HDAC4: variants seen among roughly 807,000 people sequenced by gnomAD.
The protein encoded by HDAC4 is histone deacetylase A.
Under a neutral mutation model 135.1 loss-of-function variants are expected in HDAC4, and 16 were observed. That is an observed-to-expected ratio of 0.12 (90% CI 0.08 to 0.18). The LOEUF (loss-of-function observed/expected upper bound fraction) is 0.18. HDAC4 is among the 10% of genes least tolerant of loss of function. The probability of loss-of-function intolerance (pLI) is 1.00; values close to 1 mark genes in which losing one functional copy is unlikely to be tolerated. For missense variants in HDAC4, 1,143 were observed against 1,511.8 expected (o/e 0.76, Z 4.05); for synonymous variants, 685 against 653.4 (o/e 1.05, Z -0.74).
chr2:239,255,885 A>G (rs2049026388), intron 2 of HDAC4, among the ~76,000 whole-genome samples: 1 of 152,202 alleles, frequency 6.6e-6, no homozygotes, highest in Non-Finnish European at 1.5e-5. Flanking sequence ...AAACAGCTAC[A>G]CACTTGGGCA....
chr2:239,242,077 AGAAG>A lies in HDAC4; in HGVS notation c.23-5417_23-5414del, dbSNP rs143185918. Among the ~76,000 whole-genome samples, 782 of 149,356 alleles carry A rather than the reference AGAAG, an allele frequency of 5.2e-3. 2 individuals carry two copies. The highest frequency in any genetic ancestry group is 0.01 in the Middle Eastern group (3 of 294). ...AAAGAAAAGAGAAAAAGAAAGAAAGAGAAGGAAGGAAGGAAGGAAGGAAGGAGAA... is the reference window on the plus strand; with the variant it reads ...AAAGAAAAGAGAAAAAGAAAGAAAGAGAAGGAAGGAAGGAAGGAAGGAGAA... On this transcript the variant is annotated intron_variant, in intron 2 of 26. Coordinates refer to ENST00000543185, the MANE Select transcript of HDAC4 (RefSeq NM_001378414.1).
At chr2:239,162,022 A>G in intron 6 of HDAC4, 3 of 428,856 alleles carry the variant, frequency 7.0e-6, no homozygotes, top group South Asian at 5.0e-5. Flanking sequence ...TCCACTGTCC[A>G]CTGACTCCTG....
chr2:239,250,308 C>T (rs1428750924), intron 2 of HDAC4, among the ~76,000 whole-genome samples: 1 of 152,266 alleles, frequency 6.6e-6, no homozygotes, highest in African/African-American at 2.4e-5. Flanking sequence ...GATAACATCA[C>T]TGTGTCTTCA....
intron 2 of HDAC4, among the ~76,000 whole-genome samples, chr2:239,339,539 T>A (rs1401753878): frequency 3.9e-5 from 6 of 152,186 alleles, no homozygotes; most frequent in Non-Finnish European, 8.8e-5. Flanking sequence ...TCGGGTGATG[T>A]GAGCAACTCA....
At chr2:239,211,643 G>A (rs560536422) in intron 3 of HDAC4, among the ~76,000 whole-genome samples, 1 of 152,330 alleles carries the variant, frequency 6.6e-6, no homozygotes, top group East Asian at 1.9e-4. Context: ...CAAGGGCTGT[G>A]GTTTCTAAAC....
chr2:239,338,844 G>A (rs1391876483), intron 2 of HDAC4, among the ~76,000 whole-genome samples: 2 of 152,172 alleles, frequency 1.3e-5, no homozygotes, highest in Non-Finnish European at 2.9e-5. Context: ...CAGAGCAGGT[G>A]TCATCCAGGG....
chr2:239,133,977 A>G (rs759175443), intron 11 of HDAC4, among the ~76,000 whole-genome samples: 1 of 152,198 alleles, frequency 6.6e-6, no homozygotes, highest in Non-Finnish European at 1.5e-5. Context: ...ACAGAAACCC[A>G]AATCGCAAGA....
chr2:239,083,015 G>A (rs374480035), intron 20 of HDAC4, among the ~76,000 whole-genome samples: 2 of 152,374 alleles, frequency 1.3e-5, no homozygotes, highest in African/African-American at 2.4e-5. Context: ...CAGAAAAGGC[G>A]GAAGGGCAGC....
rs758530709 is a variant in HDAC4, at chr2:239,306,167, C to A, written c.22+46511G>T. Among the ~76,000 whole-genome samples, 1 of 152,202 alleles carries A rather than the reference C, an allele frequency of 6.6e-6. No homozygotes were observed. Among genetic ancestry groups the A allele is most frequent in the Non-Finnish European group, 1.5e-5 (1 of 68,030 alleles). On this transcript the variant is annotated intron_variant, in intron 2 of 26. Transcript: ENST00000543185. The surrounding 1 kb of genome is among the most constrained non-coding windows in gnomAD (Gnocchi z 4.5). Reference sequence around the variant, plus strand: ...CGAGGATTCTGGGTTTGGAGGCACCCCAGCTCTTCCCTGGGAAGTCATTTT... The same window carrying A: ...CGAGGATTCTGGGTTTGGAGGCACCACAGCTCTTCCCTGGGAAGTCATTTT...
chr2:239,358,826 G>T (rs1331998396), intron 1 of HDAC4, among the ~76,000 whole-genome samples: 1 of 152,042 alleles, frequency 6.6e-6, no homozygotes, highest in Admixed American at 6.6e-5. Context: ...TTTCAGAATC[G>T]CTAACCTCTA....
chr2:239,168,262 G>GA (rs2043232653), intron 5 of HDAC4, among the ~76,000 whole-genome samples: 1 of 152,212 alleles, frequency 6.6e-6, no homozygotes. Context: ...CGCAGTGAGA[G>GA]AAAGCGGGGC....
At chr2:239,249,596 T>C (rs180759460) in intron 2 of HDAC4, among the ~76,000 whole-genome samples, 127 of 151,928 alleles carry the variant, frequency 8.4e-4, no homozygotes, top group African/African-American at 3.0e-3. Flanking sequence ...AAAAAAAAAA[T>C]CCAAAATGTT....
intron 1 of HDAC4, among the ~76,000 whole-genome samples, chr2:239,361,385 C>T (rs1172517143): frequency 6.6e-6 from 1 of 152,196 alleles, no homozygotes; most frequent in Non-Finnish European, 1.5e-5. Flanking sequence ...CAGAAATTCA[C>T]AAGTTTGTGG....
At chr2:239,284,078 G>A (rs773041145) in intron 2 of HDAC4, among the ~76,000 whole-genome samples, 2 of 152,214 alleles carry the variant, frequency 1.3e-5, no homozygotes, top group Non-Finnish European at 2.9e-5. Context: ...TCCATGCTGC[G>A]GTCTCCACGC....
At chr2:239,082,533 GCC>G (rs754993872) in intron 20 of HDAC4, among the ~76,000 whole-genome samples, 4 of 152,208 alleles carry the variant, frequency 2.6e-5, no homozygotes, top group Non-Finnish European at 5.9e-5. Flanking sequence ...AGGCCTAGAG[GCC>G]ACCATTTCCC....
intron 2 of HDAC4, among the ~76,000 whole-genome samples, chr2:239,344,404 C>CA (rs1692486548): frequency 1.3e-5 from 2 of 152,192 alleles, no homozygotes; most frequent in South Asian, 4.1e-4. Flanking sequence ...AAATGTTCCA[C>CA]AAACTGTGTA....
intron 17 of HDAC4, chr2:239,091,882 A>C (rs1300752647): frequency 2.0e-5 from 3 of 148,376 alleles, no homozygotes; most frequent in Admixed American, 6.8e-5. Context: ...AACACGGTGA[A>C]ACCCCGTCTC....
At chr2:239,265,544 C>T (rs948871808) in intron 2 of HDAC4, among the ~76,000 whole-genome samples, 2 of 152,024 alleles carry the variant, frequency 1.3e-5, no homozygotes, top group Admixed American at 6.5e-5. Flanking sequence ...GGGGGAGGTG[C>T]GGTGGGGCGG....
At chr2:239,063,406 A>G (rs949376949) in intron 24 of HDAC4, among the ~76,000 whole-genome samples, 25 of 151,430 alleles carry the variant, frequency 1.7e-4, no homozygotes, top group African/African-American at 2.4e-4. Context: ...GGGTTTCACC[A>G]TGTTAGCCAG....
Sources: gnomAD v4.1 joint callset for allele counts (sites outside exome capture counted in the v4.1 genomes callset) on GRCh38, gnomAD v4.1.1 for gene constraint, Gnocchi (gnomAD v3.1) non-coding constraint, MANE v1.5 for transcripts, NCBI Gene and HGNC (gene_info 2026-07-23, HGNC 2026-07-21) for gene names.